CC2D2A: variants seen among roughly 807,000 people sequenced by gnomAD.
CC2D2A encodes the protein coiled-coil and C2 domain-containing protein 2A.
CC2D2A carries 155 observed loss-of-function variants against 212.9 expected under a neutral mutation model. That is an observed-to-expected ratio of 0.73 (90% CI 0.64 to 0.83). The LOEUF (loss-of-function observed/expected upper bound fraction) is 0.83. CC2D2A is among the 40% of genes least tolerant of loss of function. The pLI is 0.00. For synonymous variants in CC2D2A, 667 were observed against 686.5 expected, an observed-to-expected ratio of 0.97 and a Z score of 0.44; for missense variants, 1,856 against 1,956.2, an observed-to-expected ratio of 0.95 and a Z score of 0.97.
chr4:15,541,033 G>T lies in CC2D2A; in HGVS notation c.2181+19G>T, dbSNP rs1450119511. On this transcript the variant is annotated intron_variant, in intron 17 of 36. Coordinates refer to ENST00000424120, the MANE Select transcript of CC2D2A (RefSeq NM_001378615.1). ...ACTTCAGGTACACATTTTAATTATAGTTACTGGCCGGGCACTGTGGCTCAT... is the reference window on the plus strand; with the variant it reads ...ACTTCAGGTACACATTTTAATTATATTTACTGGCCGGGCACTGTGGCTCAT... 1.3e-6 allele frequency: 2 copies of T among 1,512,810 alleles called. No homozygotes were observed. The highest frequency in any genetic ancestry group is 4.1e-5 in the Admixed American group (2 of 48,498). 93.7% of individuals were successfully genotyped at this position (1,512,810 alleles called of 1,614,324 possible). A position where few individuals can be genotyped will look rare whatever the true frequency, so the allele number is the denominator to read the frequency against.
At chr4:15,516,046 C>A in intron 10 of CC2D2A, 42 bp downstream of exon 10, 3 of 1,477,060 alleles carry the variant, frequency 2.0e-6, no homozygotes, top group Non-Finnish European at 2.7e-6. Context: ...CCTGGGCACA[C>A]TAGACATAGC....
chr4:15,551,407 T>C (rs1218222766), intron 18 of CC2D2A, among the ~76,000 whole-genome samples: 1 of 152,212 alleles, frequency 6.6e-6, no homozygotes, highest in Non-Finnish European at 1.5e-5. Flanking sequence ...TAATTCCGAT[T>C]GGATATATGA....
intron 33 of CC2D2A, among the ~76,000 whole-genome samples, chr4:15,591,162 A>AT (rs1407679112): frequency 1.3e-5 from 2 of 150,482 alleles, no homozygotes; most frequent in Admixed American, 6.6e-5. Flanking sequence ...CATGAAATCT[A>AT]TTTTTTTTCT....
At chr4:15,582,077 T>C (rs1278297667) in intron 30 of CC2D2A, among the ~76,000 whole-genome samples, 2 of 152,110 alleles carry the variant, frequency 1.3e-5, no homozygotes, top group Non-Finnish European at 2.9e-5. Flanking sequence ...TTTAAGAAAT[T>C]TGGGGAATTT....
Position 15,557,302 on chromosome 4 carries a change from AGG to A in CC2D2A, c.2626-1_2626del. 1 of 1,599,114 alleles carries A rather than the reference AGG, an allele frequency of 6.3e-7. No individual in the cohort carries two copies. Among genetic ancestry groups the A allele is most frequent in the Admixed American group, 1.7e-5 (1 of 57,648 alleles). ...GAGTTTTGCATTTTCCGTTTTTTAT[AGG>A]TTGCTACCAGTGGTGAATCCTATGT... is the stretch of plus-strand genomic sequence containing the variant. On this transcript the variant is annotated splice_acceptor_variant and coding_sequence_variant, in exon 21 of 37. Transcript: ENST00000424120. LOFTEE classifies it high-confidence loss of function.
chr4:15,499,075 G>A (rs770262412), intron 4 of CC2D2A, among the ~76,000 whole-genome samples: 1 of 152,116 alleles, frequency 6.6e-6, no homozygotes, highest in African/African-American at 2.4e-5. Context: ...AACAAAATCA[G>A]TAAAAAGATC....
intron 4 of CC2D2A, among the ~76,000 whole-genome samples, chr4:15,500,930 C>T (rs1199179402): frequency 6.6e-6 from 1 of 152,096 alleles, no homozygotes; most frequent in Non-Finnish European, 1.5e-5. Flanking sequence ...TCAGTCTGGC[C>T]CCTCTCCCAG....
rs1174691264 is a variant in CC2D2A at position 15,563,222 on chromosome 4, C to T, written c.3015-133C>T. 13 of 802,342 alleles carry T rather than the reference C, an allele frequency of 1.6e-5. No homozygotes were observed. In the Admixed American group the frequency reaches 2.0e-4, roughly 13 times the overall value. 49.7% of individuals were successfully genotyped at this position (802,342 alleles called of 1,614,324 possible). A position where few individuals can be genotyped will look rare whatever the true frequency, so the allele number is the denominator to read the frequency against. ...ATTTGGGAGAATTTCTAGACTATTT[C>T]CACCCACCTTCAAAGGACAAGGAGT... On this transcript the variant is annotated intron_variant, in intron 23 of 36. Coordinates refer to ENST00000424120, the MANE Select transcript of CC2D2A (RefSeq NM_001378615.1).
intron 31 of CC2D2A, among the ~76,000 whole-genome samples, chr4:15,586,459 T>G (rs924729965): frequency 6.6e-6 from 1 of 152,208 alleles, no homozygotes; most frequent in African/African-American, 2.4e-5. Flanking sequence ...CACAAAAAAT[T>G]TAAAAGTAAC....
At chr4:15,562,834 G>A (rs931198152) in intron 23 of CC2D2A, among the ~76,000 whole-genome samples, 2 of 152,252 alleles carry the variant, frequency 1.3e-5, no homozygotes, top group African/African-American at 4.8e-5. Flanking sequence ...AACTGCCTAA[G>A]CAGCTGTACA....
rs548095458 is a variant in CC2D2A, at chr4:15,487,994, T to C, written c.247+7167T>C. 1.3e-4 allele frequency among the ~76,000 whole-genome samples: 20 copies of C among 152,226 alleles called. No individual in the cohort carries two copies. The South Asian group carries it at 3.7e-3, about 28-fold the overall frequency. On this transcript the variant is annotated intron_variant, in intron 4 of 36. Transcript: ENST00000424120. ...TTTTATTTTTTGTTGTCTCTACTTATATCTTTTTGTACTGTCTATCTCTTG... is the reference window on the plus strand; with the variant it reads ...TTTTATTTTTTGTTGTCTCTACTTACATCTTTTTGTACTGTCTATCTCTTG...
chr4:15,558,242 G>A (rs992206928), intron 21 of CC2D2A, among the ~76,000 whole-genome samples: 1 of 152,170 alleles, frequency 6.6e-6, no homozygotes, highest in Non-Finnish European at 1.5e-5. Context: ...TCAGGAATTA[G>A]TACCAGGAAG....
intron 33 of CC2D2A, among the ~76,000 whole-genome samples, chr4:15,593,704 T>C (rs1355430793): frequency 1.3e-5 from 2 of 152,172 alleles, no homozygotes; most frequent in Non-Finnish European, 2.9e-5. Context: ...CTCTCTCTCC[T>C]ATATCCAAAC....
At chr4:15,497,661 C>T (rs1388694091) in intron 4 of CC2D2A, among the ~76,000 whole-genome samples, 2 of 152,184 alleles carry the variant, frequency 1.3e-5, no homozygotes, top group Non-Finnish European at 2.9e-5. Context: ...CTTGTCAATA[C>T]TTGTTATTAT....
At chr4:15,545,045 A>G (rs1196323653) in intron 17 of CC2D2A, among the ~76,000 whole-genome samples, 1 of 152,212 alleles carries the variant, frequency 6.6e-6, no homozygotes, top group Non-Finnish European at 1.5e-5. Flanking sequence ...CCACAATGGC[A>G]TAATGGCATA....
At chr4:15,481,465 C>T (rs191774073) in intron 4 of CC2D2A, 101 of 313,254 alleles carry the variant, frequency 3.2e-4, no homozygotes, top group African/African-American at 2.0e-3. Context: ...GAGCCGAGAT[C>T]GGAGCACTGC....
chr4:15,572,657 G>C (rs748253904), intron 28 of CC2D2A, among the ~76,000 whole-genome samples: 1 of 151,494 alleles, frequency 6.6e-6, no homozygotes, highest in Non-Finnish European at 1.5e-5. Context: ...CCTGTATTAG[G>C]GTTCTCTAAA....
intron 4 of CC2D2A, among the ~76,000 whole-genome samples, chr4:15,498,043 A>T (rs1163550249): frequency 6.6e-6 from 1 of 152,184 alleles, no homozygotes; most frequent in Non-Finnish European, 1.5e-5. Flanking sequence ...AGTCCTTAGG[A>T]GAAAAATGGA....
At chr4:15,479,108 G>C in intron 3 of CC2D2A, 2 of 780,308 alleles carry the variant, frequency 2.6e-6, no homozygotes, top group Admixed American at 4.0e-5. Context: ...GCCTGTTTTA[G>C]TGCTTCATTG....
Sources: gnomAD v4.1 joint callset for allele counts (sites outside exome capture counted in the v4.1 genomes callset) on GRCh38, gnomAD v4.1.1 for gene constraint, MANE v1.5 for transcripts, NCBI Gene and HGNC (gene_info 2026-07-23, HGNC 2026-07-21) for gene names.